BTBD9: variants seen among roughly 807,000 people sequenced by gnomAD.
BTBD9 encodes BTB/POZ domain-containing protein 9.
A neutral mutation model predicts 64.3 loss-of-function variants in BTBD9; 49 were observed. The observed-to-expected ratio is 0.76, with a 90% CI of 0.61 to 0.97. The LOEUF (loss-of-function observed/expected upper bound fraction) is 0.97. BTBD9 is among the 50% of genes least tolerant of loss of function. The pLI is 0.00. For missense variants in BTBD9, 598 were observed against 762.1 expected, an observed-to-expected ratio of 0.78 and a Z score of 2.53; for synonymous variants, 260 against 274.7, an observed-to-expected ratio of 0.95 and a Z score of 0.53.
intron 6 of BTBD9, among the ~76,000 whole-genome samples, chr6:38,384,303 T>A (rs9380741): frequency 2.6e-5 from 4 of 152,092 alleles, no homozygotes; most frequent in East Asian, 1.9e-4. Context: ...TCAAATATGC[T>A]TGATTCTCTA....
chr6:38,291,337 T>C (rs904492490), intron 7 of BTBD9, among the ~76,000 whole-genome samples: 4 of 152,376 alleles, frequency 2.6e-5, no homozygotes, highest in African/African-American at 4.8e-5. Context: ...TTTTTGCACA[T>C]TGATTTTGTA....
At chr6:38,248,151 C>T (rs1764274037) in intron 9 of BTBD9, among the ~76,000 whole-genome samples, 1 of 151,894 alleles carries the variant, frequency 6.6e-6, no homozygotes, top group South Asian at 2.1e-4. Flanking sequence ...TTTTAAAAAT[C>T]TTAGGTATTT....
At chr6:38,534,103 T>C (rs1408642708) in intron 6 of BTBD9, among the ~76,000 whole-genome samples, 2 of 151,928 alleles carry the variant, frequency 1.3e-5, no homozygotes, top group East Asian at 1.9e-4. Context: ...ACTTGGTTTT[T>C]TGAAAAGATA....
chr6:38,175,904 C>T (rs1209065351), intron 10 of BTBD9, among the ~76,000 whole-genome samples: 6 of 152,332 alleles, frequency 3.9e-5, no homozygotes, highest in South Asian at 2.1e-4. Context: ...CTGGAACAAA[C>T]GCCCCCAATG....
chr6:38,434,189 T>C (rs1285494678), intron 6 of BTBD9, among the ~76,000 whole-genome samples: 2 of 152,024 alleles, frequency 1.3e-5, no homozygotes, highest in Non-Finnish European at 2.9e-5. Context: ...CTGTAAAGAA[T>C]CTCTATTAAC....
intron 6 of BTBD9, among the ~76,000 whole-genome samples, chr6:38,566,804 A>T (rs1326633957): frequency 1.3e-5 from 2 of 152,238 alleles, no homozygotes; most frequent in Non-Finnish European, 2.9e-5. Flanking sequence ...CACATCCAGA[A>T]TACACATATA....
At chr6:38,526,699 A>G (rs73410379) in intron 6 of BTBD9, among the ~76,000 whole-genome samples, 3,149 of 152,308 alleles carry the variant, frequency 0.021, 98 homozygotes, top group African/African-American at 0.071. Context: ...TCAGAGCTTT[A>G]AGATTTAATG....
At chr6:38,602,160 T>A (rs978937202) in intron 1 of BTBD9, among the ~76,000 whole-genome samples, 2 of 152,188 alleles carry the variant, frequency 1.3e-5, no homozygotes, top group African/African-American at 4.8e-5. Flanking sequence ...AAATGTAGCA[T>A]TTCAATTAAA....
chr6:38,611,450 T>C (rs1777614984), intron 1 of BTBD9, among the ~76,000 whole-genome samples: 4 of 152,206 alleles, frequency 2.6e-5, no homozygotes, highest in Admixed American at 1.3e-4. Flanking sequence ...AAATGCATTT[T>C]CTTAAAAACA....
At chr6:38,504,580 A>G (rs778227936) in intron 6 of BTBD9, 1 of 456,656 alleles carries the variant, frequency 2.2e-6, no homozygotes, top group Non-Finnish European at 4.4e-6. Flanking sequence ...TGAAATGTGG[A>G]TTTTTTTAGG....
chr6:38,576,502 G>A (rs961145620), intron 6 of BTBD9, among the ~76,000 whole-genome samples: 1 of 152,172 alleles, frequency 6.6e-6, no homozygotes, highest in African/African-American at 2.4e-5. Flanking sequence ...ACGGTTTTGT[G>A]AAGTTCCTTA....
At chr6:38,337,001 C>T (rs1326416322) in intron 7 of BTBD9, among the ~76,000 whole-genome samples, 2 of 152,114 alleles carry the variant, frequency 1.3e-5, no homozygotes, top group East Asian at 1.9e-4. Context: ...CAGAACCAGC[C>T]TTAATATCTG....
intron 6 of BTBD9, among the ~76,000 whole-genome samples, chr6:38,372,488 A>G (rs1765466437): frequency 6.6e-6 from 1 of 151,872 alleles, no homozygotes; most frequent in Non-Finnish European, 1.5e-5. Flanking sequence ...CGCTCCACCA[A>G]TCTACACATC....
chr6:38,440,696 T>C (rs899217330), intron 6 of BTBD9, among the ~76,000 whole-genome samples: 4 of 152,214 alleles, frequency 2.6e-5, no homozygotes, highest in South Asian at 2.1e-4. Flanking sequence ...TTTAGGTATG[T>C]CAAATTTATG....
chr6:38,169,379 T>A lies in BTBD9; in HGVS notation c.*5606A>T, dbSNP rs1007710775. The stretch of plus-strand genomic sequence containing the variant: ...CAGGAGGCAAAGGCCCTGAGGGAGA[T>A]GAGCTGGTGCCGTCCCCTCCCAATT... On this transcript the variant is annotated 3_prime_UTR_variant, in exon 11 of 11. Transcript: ENST00000481247. The A allele has an allele frequency of 1.3e-5, 2 of 152,338 alleles. No individual in the cohort carries two copies. The highest frequency in any genetic ancestry group is 4.8e-5 in the African/African-American group (2 of 41,440). The allele number at this position is 152,338 out of a possible 1,614,324, so 9.4% of individuals were successfully genotyped here.
chr6:38,434,110 T>C (rs2127298773), intron 6 of BTBD9, among the ~76,000 whole-genome samples: 1 of 152,116 alleles, frequency 6.6e-6, no homozygotes, highest in South Asian at 2.1e-4. Flanking sequence ...ATCAAAATAT[T>C]TTACCCCAAG....
intron 9 of BTBD9, among the ~76,000 whole-genome samples, chr6:38,246,758 C>T (rs76151475): frequency 1.8e-3 from 275 of 152,258 alleles, no homozygotes; most frequent in African/African-American, 6.2e-3. Context: ...AATTGGTTCA[C>T]GCTTCTAGAA....
At position 38,600,191 on chromosome 6, in the gene BTBD9, C is replaced by T. The variant is rs968697015; in HGVS notation, c.-27-2070G>A. ...GGGTCAGACAGTACATGGTTTAAAG[C>T]TTTGCAGGTTATACAATCTACGTCA... On this transcript the variant is annotated intron_variant, in intron 1 of 10. Coordinates refer to ENST00000481247, the MANE Select transcript of BTBD9 (RefSeq NM_001099272.2). 4.6e-5 allele frequency among the ~76,000 whole-genome samples: 7 copies of T among 152,178 alleles called. No individual in the cohort carries two copies. In the South Asian group the frequency reaches 6.2e-4, roughly 14 times the overall value.
At chr6:38,418,847 T>C (rs990649337) in intron 6 of BTBD9, among the ~76,000 whole-genome samples, 4 of 152,188 alleles carry the variant, frequency 2.6e-5, no homozygotes, top group Admixed American at 2.0e-4. Flanking sequence ...CAGTGGCGCG[T>C]GCCTATAGTC....
Sources: allele counts gnomAD v4.1 joint callset (sites outside exome capture counted in the v4.1 genomes callset), GRCh38; gene constraint gnomAD v4.1.1; transcripts MANE v1.5; gene names NCBI Gene and HGNC (gene_info 2026-07-23, HGNC 2026-07-21).